SNTG1: variants seen among roughly 807,000 people sequenced by gnomAD.
The protein encoded by SNTG1 is gamma-1-syntrophin.
Under a neutral mutation model 74.7 loss-of-function variants are expected in SNTG1, and 39 were observed. That is an observed-to-expected ratio of 0.52 (90% CI 0.40 to 0.68). The LOEUF is 0.68. Among genes scored for constraint, SNTG1 ranks in the 30% least tolerant of loss-of-function variants. The pLI is 0.00. For synonymous variants in SNTG1, 254 were observed against 217.1 expected, an observed-to-expected ratio of 1.17 and a Z score of -1.49; for missense variants, 685 against 609.5, an observed-to-expected ratio of 1.12 and a Z score of -1.30.
chr8:49,995,069 G>C (rs1814078459), intron 1 of SNTG1, among the ~76,000 whole-genome samples: 1 of 152,120 alleles, frequency 6.6e-6, no homozygotes, highest in African/African-American at 2.4e-5. Flanking sequence ...TGAGAATCGA[G>C]AGATTGTGAA....
At chr8:50,146,695 C>T (rs1383953287) in intron 1 of SNTG1, among the ~76,000 whole-genome samples, 1 of 152,118 alleles carries the variant, frequency 6.6e-6, no homozygotes, top group African/African-American at 2.4e-5. Context: ...CCTGCCGATC[C>T]TCACCAGCCA....
At chr8:50,787,125 A>G (rs1274050442) in intron 18 of SNTG1, among the ~76,000 whole-genome samples, 1 of 151,864 alleles carries the variant, frequency 6.6e-6, no homozygotes, top group African/African-American at 2.4e-5. Flanking sequence ...AAGGGTTTTC[A>G]GAGAAAAAAA....
intron 2 of SNTG1, among the ~76,000 whole-genome samples, chr8:50,334,413 G>C (rs2091070582): frequency 6.6e-6 from 1 of 151,972 alleles, no homozygotes; most frequent in Admixed American, 6.6e-5. Flanking sequence ...ACAAAAGCAA[G>C]CTGCCTTCAG....
At chr8:50,167,291 A>T (rs2082652986) in intron 1 of SNTG1, among the ~76,000 whole-genome samples, 1 of 148,116 alleles carries the variant, frequency 6.8e-6, no homozygotes, top group African/African-American at 2.5e-5. Flanking sequence ...TAAAAAAAGA[A>T]AAAAAAAAGA....
chr8:50,484,904 T>C (rs971048565), intron 8 of SNTG1, among the ~76,000 whole-genome samples: 6 of 152,028 alleles, frequency 3.9e-5, no homozygotes, highest in African/African-American at 1.4e-4. Flanking sequence ...AAATATGCTA[T>C]AACCTTTCAG....
chr8:50,599,647 A>G (rs1441760780), intron 13 of SNTG1, among the ~76,000 whole-genome samples: 2 of 152,054 alleles, frequency 1.3e-5, no homozygotes, highest in Non-Finnish European at 2.9e-5. Flanking sequence ...CACTGTTGGC[A>G]TTTAGAAATC....
intron 15 of SNTG1, among the ~76,000 whole-genome samples, chr8:50,682,114 G>T (rs1326028082): frequency 6.6e-6 from 1 of 152,110 alleles, no homozygotes; most frequent in Non-Finnish European, 1.5e-5. Flanking sequence ...AATTTTCTCG[G>T]CAAGACAATC....
At chr8:50,282,246 A>G (rs1396521014) in intron 2 of SNTG1, among the ~76,000 whole-genome samples, 1 of 152,140 alleles carries the variant, frequency 6.6e-6, no homozygotes, top group African/African-American at 2.4e-5. Context: ...TCACACAGAA[A>G]ATTTCTGAGC....
At chr8:50,534,769 T>C (rs2094295561) in intron 10 of SNTG1, among the ~76,000 whole-genome samples, 1 of 152,118 alleles carries the variant, frequency 6.6e-6, no homozygotes, top group Non-Finnish European at 1.5e-5. Flanking sequence ...AGTGAGACCC[T>C]GTCTCAAAAA....
chr8:50,069,616 T>C (rs3911875), intron 1 of SNTG1, among the ~76,000 whole-genome samples: 1 of 88,086 alleles, frequency 1.1e-5, no homozygotes, highest in Admixed American at 1.4e-4. Flanking sequence ...TTTTTTTTTT[T>C]TTTTTTGCTT....
At chr8:50,169,234 A>G (rs2082726818) in intron 1 of SNTG1, among the ~76,000 whole-genome samples, 1 of 152,252 alleles carries the variant, frequency 6.6e-6, no homozygotes, top group South Asian at 2.1e-4. Flanking sequence ...AAAAGACATC[A>G]TAGGGCACAC....
At chr8:50,126,931 A>C (rs568623220) in intron 1 of SNTG1, among the ~76,000 whole-genome samples, 1 of 152,162 alleles carries the variant, frequency 6.6e-6, no homozygotes, top group Non-Finnish European at 1.5e-5. Context: ...CCTCAGGAGC[A>C]TACAATCTTG....
intron 15 of SNTG1, among the ~76,000 whole-genome samples, chr8:50,660,358 A>AAGAG (rs1294891794): frequency 7.6e-6 from 1 of 132,430 alleles, no homozygotes. Context: ...GAAAGAAAGA[A>AAGAG]AGAGAGAGAG....
intron 8 of SNTG1, among the ~76,000 whole-genome samples, chr8:50,487,158 G>A (rs1217100505): frequency 1.3e-5 from 2 of 152,156 alleles, no homozygotes; most frequent in African/African-American, 4.8e-5. Context: ...ACACCAGTTA[G>A]AATGGCAATC....
intron 2 of SNTG1, among the ~76,000 whole-genome samples, chr8:50,351,045 G>A (rs1408206278): frequency 6.6e-6 from 1 of 152,106 alleles, no homozygotes; most frequent in African/African-American, 2.4e-5. Flanking sequence ...TCACTGCGAG[G>A]GTCTGCAGCT....
chr8:50,258,210 A>T (rs2130032434), intron 2 of SNTG1, among the ~76,000 whole-genome samples: 1 of 152,344 alleles, frequency 6.6e-6, no homozygotes, highest in African/African-American at 2.4e-5. Flanking sequence ...GATGATCCGA[A>T]AGCAGTTTCA....
At chr8:50,041,094 C>G (rs1360391943) in intron 1 of SNTG1, among the ~76,000 whole-genome samples, 1 of 152,140 alleles carries the variant, frequency 6.6e-6, no homozygotes, top group African/African-American at 2.4e-5. Flanking sequence ...CAGGGTTTCT[C>G]CATGTTGCCC....
At chr8:50,247,601 G>A (rs2129810912) in intron 2 of SNTG1, among the ~76,000 whole-genome samples, 1 of 152,150 alleles carries the variant, frequency 6.6e-6, no homozygotes, top group African/African-American at 2.4e-5. Context: ...AAACTCCTGG[G>A]TTCTGGTAGT....
At chr8:49,990,825 C>T in intron 1 of SNTG1, among the ~76,000 whole-genome samples, 1 of 152,020 alleles carries the variant, frequency 6.6e-6, no homozygotes, top group East Asian at 1.9e-4. Flanking sequence ...AGGCCTAAAA[C>T]TACAAATATT....
Sources: gnomAD v4.1 joint callset for allele counts (sites outside exome capture counted in the v4.1 genomes callset) on GRCh38, gnomAD v4.1.1 for gene constraint, MANE v1.5 for transcripts, NCBI Gene and HGNC (gene_info 2026-07-23, HGNC 2026-07-21) for gene names.